Variants in EZH2 observed in about 807,000 individuals in gnomAD.
The protein encoded by EZH2 is histone-lysine N-methyltransferase EZH2.
EZH2 carries 18 observed loss-of-function variants against 98.4 expected under a neutral mutation model. That is an observed-to-expected ratio of 0.18 (90% CI 0.13 to 0.27). EZH2 has a LOEUF of 0.27. Among genes scored for constraint, EZH2 ranks in the 10% least tolerant of loss-of-function variants. EZH2 has a pLI of 1.00. For synonymous variants in EZH2, 338 were observed against 312.3 expected, an observed-to-expected ratio of 1.08 and a Z score of -0.87; for missense variants, 470 against 935.1, an observed-to-expected ratio of 0.50 and a Z score of 6.49.
chr7:148,816,619 G>GATA, intron 12 of EZH2, 65 bp downstream of exon 12: 1 of 1,224,774 alleles, frequency 8.2e-7, no homozygotes, highest in Non-Finnish European at 1.2e-6. Flanking sequence ...ACAGCCCTTA[G>GATA]GAAGGGCCTT....
At chr7:148,834,035 T>A (rs1270070641) in intron 3 of EZH2, among the ~76,000 whole-genome samples, 2 of 152,188 alleles carry the variant, frequency 1.3e-5, no homozygotes, top group Non-Finnish European at 2.9e-5. Flanking sequence ...GAAAAAATGC[T>A]GCCAACTAAA....
intron 1 of EZH2, among the ~76,000 whole-genome samples, chr7:148,876,757 C>T (rs1820226919): frequency 6.6e-6 from 1 of 152,194 alleles, no homozygotes; most frequent in Non-Finnish European, 1.5e-5. Flanking sequence ...TAAAGGGCCA[C>T]ATGGTAAGTA....
chr7:148,846,655 A>C, intron 2 of EZH2, 57 bp from the exon 3 acceptor site: 1 of 1,509,006 alleles, frequency 6.6e-7, no homozygotes, highest in Non-Finnish European at 9.1e-7. Context: ...TAGAAAATGT[A>C]TAACACCTGT....
intron 1 of EZH2, among the ~76,000 whole-genome samples, chr7:148,857,606 C>T (rs1817020766): frequency 6.6e-6 from 1 of 152,072 alleles, no homozygotes; most frequent in African/African-American, 2.4e-5. Context: ...CAAAAATTAG[C>T]TGGGCATGAT....
intron 1 of EZH2, among the ~76,000 whole-genome samples, chr7:148,860,932 C>T (rs1418402945): frequency 6.6e-6 from 1 of 152,108 alleles, no homozygotes; most frequent in Non-Finnish European, 1.5e-5. Flanking sequence ...CTTGGCCTCC[C>T]AAAGTGCTGG....
At chr7:148,823,365 T>C (rs1253086090) in intron 8 of EZH2, among the ~76,000 whole-genome samples, 1 of 152,364 alleles carries the variant, frequency 6.6e-6, no homozygotes, top group East Asian at 1.9e-4. Context: ...CAGTAAGTTC[T>C]GGAACCTCCT....
chr7:148,828,509 T>C (rs564168960), intron 6 of EZH2, among the ~76,000 whole-genome samples: 1 of 152,134 alleles, frequency 6.6e-6, no homozygotes, highest in East Asian at 1.9e-4. Flanking sequence ...AGGTTGGTCT[T>C]GAACTCCTGG....
intron 6 of EZH2, among the ~76,000 whole-genome samples, chr7:148,828,035 G>A (rs1008435168): frequency 7.2e-5 from 11 of 152,172 alleles, no homozygotes; most frequent in African/African-American, 1.4e-4. Context: ...GGAGAATGGC[G>A]TGAACCCAGG....
chr7:148,827,984 G>A (rs763472225), intron 6 of EZH2, among the ~76,000 whole-genome samples: 1 of 152,218 alleles, frequency 6.6e-6, no homozygotes, highest in Non-Finnish European at 1.5e-5. Context: ...TGGGTGTGGT[G>A]GCAGGTGCCT....
intron 1 of EZH2, among the ~76,000 whole-genome samples, chr7:148,857,872 T>C (rs970036382): frequency 2.0e-5 from 3 of 152,012 alleles, no homozygotes; most frequent in African/African-American, 4.8e-5. Context: ...AAAAATAACA[T>C]TCACTTTTAG....
chr7:148,824,742 G>A (rs951771758), intron 8 of EZH2, among the ~76,000 whole-genome samples: 12 of 152,052 alleles, frequency 7.9e-5, no homozygotes, highest in African/African-American at 2.7e-4. Context: ...CGAAGTTAAC[G>A]TAAAACAATG....
intron 1 of EZH2, among the ~76,000 whole-genome samples, chr7:148,858,445 C>T (rs956956390): frequency 6.6e-6 from 1 of 152,096 alleles, no homozygotes; most frequent in African/African-American, 2.4e-5. Context: ...AAATGATAAT[C>T]CCAGCTTGGC....
At chr7:148,817,051 T>C (rs1804744756) in intron 11 of EZH2, 171 bp downstream of exon 11, 1 of 659,772 alleles carries the variant, frequency 1.5e-6, no homozygotes, top group Admixed American at 3.2e-5. Flanking sequence ...TTCTGTAACA[T>C]ACCTGGAGAA....
intron 4 of EZH2, among the ~76,000 whole-genome samples, chr7:148,830,832 A>G (rs1809181778): frequency 6.6e-6 from 1 of 152,234 alleles, no homozygotes; most frequent in Non-Finnish European, 1.5e-5. Context: ...TTCAATGAAG[A>G]ATAAAAATGA....
At chr7:148,809,657 C>T (rs1203572404) in intron 17 of EZH2, among the ~76,000 whole-genome samples, 2 of 84,982 alleles carry the variant, frequency 2.4e-5, no homozygotes, top group Non-Finnish European at 4.6e-5. Context: ...CTGAGCAAAA[C>T]ATAGCAAAAA....
intron 1 of EZH2, among the ~76,000 whole-genome samples, chr7:148,872,160 GAA>G (rs761136149): frequency 4.6e-5 from 7 of 152,038 alleles, no homozygotes; most frequent in Non-Finnish European, 7.4e-5. Context: ...TTACAGAAAA[GAA>G]AAAAATTCTG....
At chr7:148,814,689 T>C (rs769620281) in intron 14 of EZH2, among the ~76,000 whole-genome samples, 6 of 152,184 alleles carry the variant, frequency 3.9e-5, no homozygotes, top group Non-Finnish European at 5.9e-5. Flanking sequence ...CAGGTTCCTT[T>C]AATACAACTT....
At chr7:148,815,347 G>A (rs1804260484) in intron 13 of EZH2, among the ~76,000 whole-genome samples, 159 bp downstream of exon 13, 1 of 152,142 alleles carries the variant, frequency 6.6e-6, no homozygotes, top group Admixed American at 6.5e-5. Context: ...GAATTGACTG[G>A]GGATTCATCA....
chr7:148,860,856 A>G (rs750025632), intron 1 of EZH2, among the ~76,000 whole-genome samples: 3 of 152,094 alleles, frequency 2.0e-5, no homozygotes, highest in Non-Finnish European at 4.4e-5. Context: ...TATTTTTAGC[A>G]GAGACAGGGT....
Sources: gnomAD v4.1 joint callset for allele counts (sites outside exome capture counted in the v4.1 genomes callset) on GRCh38, gnomAD v4.1.1 for gene constraint, MANE v1.5 for transcripts, NCBI Gene and HGNC (gene_info 2026-07-23, HGNC 2026-07-21) for gene names.